Variants in TIPIN observed in about 807,000 individuals in gnomAD.
TIPIN encodes TIMELESS-interacting protein.
Under a neutral mutation model 35.6 loss-of-function variants are expected in TIPIN, and 29 were observed. The observed-to-expected ratio is 0.82, with a 90% CI of 0.61 to 1.11. The LOEUF (loss-of-function observed/expected upper bound fraction) is 1.11. Ranked by LOEUF, TIPIN falls within the 50% of genes most tolerant of loss-of-function variation. The pLI is 0.00. For missense variants in TIPIN, 296 were observed against 345.4 expected (o/e 0.86, Z 1.13); for synonymous variants, 102 against 121.5 (o/e 0.84, Z 1.06).
chr15:66,373,572 C>T (rs2093285304), intron 1 of TIPIN, among the ~76,000 whole-genome samples: 1 of 151,780 alleles, frequency 6.6e-6, no homozygotes, highest in Non-Finnish European at 1.5e-5. Context: ...GATGTTAAAT[C>T]TTAGAAGATA....
At chr15:66,348,980 C>T in intron 6 of TIPIN, 80 bp downstream of exon 6, 2 of 1,129,286 alleles carry the variant, frequency 1.8e-6, no homozygotes, top group South Asian at 2.7e-5. Context: ...GCTGGGATTA[C>T]AGGGTTGAGC....
chr15:66,339,468 A>G, intron 7 of TIPIN, among the ~76,000 whole-genome samples: 1 of 152,310 alleles, frequency 6.6e-6, no homozygotes, highest in East Asian at 1.9e-4. Flanking sequence ...TAAGAAAGAT[A>G]TACGCAATCC....
chr15:66,382,244 C>A, intron 1 of TIPIN: 1 of 535,512 alleles, frequency 1.9e-6, no homozygotes, highest in Non-Finnish European at 2.4e-6. Flanking sequence ...AACTGATGCT[C>A]AGAGAGGGTA....
At chr15:66,364,057 C>G (rs2093242763) in intron 1 of TIPIN, among the ~76,000 whole-genome samples, 2 of 151,916 alleles carry the variant, frequency 1.3e-5, no homozygotes, top group African/African-American at 2.4e-5. Context: ...ACACTTCCCA[C>G]CAGGCCCCCA....
intron 1 of TIPIN, among the ~76,000 whole-genome samples, chr15:66,363,287 T>C (rs2140480525): frequency 6.7e-6 from 1 of 149,260 alleles, no homozygotes; most frequent in African/African-American, 2.5e-5. Flanking sequence ...GCGGGCGGAT[T>C]GCCTGAGGTC....
At chr15:66,337,601 C>T (rs1255383144) in intron 7 of TIPIN, among the ~76,000 whole-genome samples, 5 of 151,904 alleles carry the variant, frequency 3.3e-5, no homozygotes, top group Non-Finnish European at 2.9e-5. Flanking sequence ...GGATTACAGG[C>T]GTGAGCTACC....
chr15:66,356,758 C>A (rs981206722), upstream of TIPIN: 3 of 982,182 alleles, frequency 3.1e-6, no homozygotes, highest in Non-Finnish European at 3.6e-6. Flanking sequence ...CAAATCCGTG[C>A]GGGGGGCTGG....
intron 1 of TIPIN, among the ~76,000 whole-genome samples, chr15:66,366,031 C>A (rs1031628911): frequency 2.6e-5 from 4 of 151,964 alleles, no homozygotes; most frequent in Non-Finnish European, 4.4e-5. Flanking sequence ...AATCACCCTA[C>A]CCAAAAGAAA....
chr15:66,354,461 T>C (rs1240610076), intron 1 of TIPIN, among the ~76,000 whole-genome samples: 1 of 152,202 alleles, frequency 6.6e-6, no homozygotes, highest in Non-Finnish European at 1.5e-5. Flanking sequence ...TTCCCAACAT[T>C]TCTTGCTTGC....
intron 6 of TIPIN, chr15:66,347,086 C>T (rs1327161807): frequency 1.9e-5 from 6 of 317,120 alleles, no homozygotes; most frequent in Admixed American, 1.2e-4. Flanking sequence ...TGAGCCACCG[C>T]GCCCGGCCTA....
upstream of TIPIN, among the ~76,000 whole-genome samples, chr15:66,357,595 CAAAAAAAAAAA>C (rs574898699): frequency 9.5e-5 from 6 of 63,440 alleles, no homozygotes; most frequent in South Asian, 5.6e-4. Flanking sequence ...GATCTTGTCG[CAAAAAAAAAAA>C]AAAAAAAAAA....
intron 6 of TIPIN, among the ~76,000 whole-genome samples, 153 bp from the exon 7 acceptor site, chr15:66,341,509 C>T (rs531486043): frequency 0.82 from 5,841 of 7,144 alleles, 2,700 homozygotes; most frequent in Middle Eastern, 1. Flanking sequence ...TGGCTCACGC[C>T]TGTAATCCCA....
intron 1 of TIPIN, chr15:66,379,522 C>T: frequency 6.2e-7 from 1 of 1,610,206 alleles, no homozygotes; most frequent in South Asian, 1.1e-5. Context: ...GAACAAGCAA[C>T]ACCTGGTCTC....
At chr15:66,376,556 G>A (rs997472932) in intron 1 of TIPIN, among the ~76,000 whole-genome samples, 1 of 151,736 alleles carries the variant, frequency 6.6e-6, no homozygotes, top group Admixed American at 6.6e-5. Flanking sequence ...AGCCTCCTGA[G>A]TAGATGGGAT....
At chr15:66,385,591 G>T (rs987464525) in intron 1 of TIPIN, among the ~76,000 whole-genome samples, 22 of 151,860 alleles carry the variant, frequency 1.4e-4, no homozygotes, top group Admixed American at 3.3e-4. Flanking sequence ...CCGAGTTCAA[G>T]CAATTCTCTG....
chr15:66,358,257 G>A (rs1394375630), upstream of TIPIN, among the ~76,000 whole-genome samples: 1 of 152,128 alleles, frequency 6.6e-6, no homozygotes, highest in African/African-American at 2.4e-5. Flanking sequence ...GATAGAGTGG[G>A]ATGGGAACTT....
intron 1 of TIPIN, chr15:66,366,847 C>T: frequency 1.0e-6 from 1 of 984,018 alleles, no homozygotes; most frequent in Non-Finnish European, 1.2e-6. Context: ...TATGTGTGTC[C>T]AAAATGCAGG....
intron 1 of TIPIN, chr15:66,382,931 G>C (rs995965005): frequency 2.0e-6 from 2 of 985,192 alleles, no homozygotes; most frequent in African/African-American, 3.5e-5. Context: ...AGAACCGATG[G>C]ATCACTGCCG....
intron 1 of TIPIN, chr15:66,380,006 T>G (rs1033741509): frequency 1.6e-6 from 1 of 611,214 alleles, no homozygotes; most frequent in East Asian, 3.5e-5. Flanking sequence ...TTCTTTCTTT[T>G]TTTTTTTTTT....
Sources: gnomAD v4.1 joint callset for allele counts (sites outside exome capture counted in the v4.1 genomes callset) on GRCh38, gnomAD v4.1.1 for gene constraint, MANE v1.5 for transcripts, NCBI Gene and HGNC (gene_info 2026-07-23, HGNC 2026-07-21) for gene names.